Variants in ATG7 observed in about 807,000 individuals in gnomAD.
ATG7 encodes the protein autophagy related 7, also known as ubiquitin-like modifier-activating enzyme ATG7.
A neutral mutation model predicts 82.4 loss-of-function variants in ATG7; 70 were observed. The observed-to-expected ratio is 0.85, with a 90% CI of 0.70 to 1.04. ATG7 has a LOEUF of 1.04. Among genes scored for constraint, ATG7 ranks in the 50% least tolerant of loss-of-function variants. The probability of loss-of-function intolerance (pLI) is 0.00; values close to 1 mark genes in which losing one functional copy is unlikely to be tolerated. For synonymous variants in ATG7, 287 were observed against 313.0 expected (o/e 0.92, Z 0.88); for missense variants, 792 against 864.3 (o/e 0.92, Z 1.05).
chr3:11,481,209 T>TG (rs965585719), intron 20 of ATG7, among the ~76,000 whole-genome samples: 16 of 152,206 alleles, frequency 1.1e-4, no homozygotes, highest in African/African-American at 3.9e-4. Flanking sequence ...AGGTTTCAGC[T>TG]GGGGGCAGAT....
At chr3:11,439,288 C>T (rs1369888527) in intron 20 of ATG7, among the ~76,000 whole-genome samples, 2 of 151,806 alleles carry the variant, frequency 1.3e-5, no homozygotes, top group South Asian at 2.1e-4. Context: ...AGGCTGGTCT[C>T]GAACTCCTTA....
At chr3:11,396,016 C>T (rs778074082) in intron 19 of ATG7, among the ~76,000 whole-genome samples, 1 of 139,688 alleles carries the variant, frequency 7.2e-6, no homozygotes, top group Non-Finnish European at 1.5e-5. Flanking sequence ...TTTGTATAGA[C>T]AAGAACAGAG....
At position 11,400,539 on chromosome 3, in the gene ATG7, C is replaced by A. The variant is rs7621218; in HGVS notation, c.1956+20487C>A. On this transcript the variant is annotated intron_variant, in intron 19 of 20. Coordinates refer to ENST00000693202, the MANE Select transcript of ATG7 (RefSeq NM_001349232.2). ...CCATATTTTCTGATTTTTTTTCCTTCGAAGAGTAGATAGAAATGTGAATTT... is the reference window on the plus strand; with the variant it reads ...CCATATTTTCTGATTTTTTTTCCTTAGAAGAGTAGATAGAAATGTGAATTT... 1.3e-4 allele frequency among the ~76,000 whole-genome samples: 20 copies of A among 151,890 alleles called. No homozygotes were observed. In the South Asian group the frequency reaches 3.7e-3, roughly 28 times the overall value.
chr3:11,486,048 C>CTT (rs1374391195), intron 20 of ATG7, among the ~76,000 whole-genome samples: 3 of 152,120 alleles, frequency 2.0e-5, no homozygotes, highest in African/African-American at 7.2e-5. Context: ...TCCATATGAA[C>CTT]TTTTAAGTAG....
intron 14 of ATG7, among the ~76,000 whole-genome samples, chr3:11,357,852 T>C (rs1207031225): frequency 6.6e-6 from 1 of 151,314 alleles, no homozygotes; most frequent in Non-Finnish European, 1.5e-5. Flanking sequence ...CTACTAAAAA[T>C]TAAAAAATCA....
intron 20 of ATG7, among the ~76,000 whole-genome samples, chr3:11,542,723 TCCTCCCGGGCACCC>T (rs1231542461): frequency 1.3e-5 from 2 of 152,170 alleles, no homozygotes; most frequent in African/African-American, 4.8e-5. Context: ...CCCCTGGGCA[TCCTCCCGGGCACCC>T]CCTCCCGGGC....
At chr3:11,504,347 A>G (rs748131228) in intron 20 of ATG7, among the ~76,000 whole-genome samples, 1 of 152,250 alleles carries the variant, frequency 6.6e-6, no homozygotes, top group Non-Finnish European at 1.5e-5. Flanking sequence ...CAGATACACA[A>G]GATCAGATAA....
At chr3:11,458,206 C>G (rs2085937734) in intron 20 of ATG7, among the ~76,000 whole-genome samples, 1 of 151,948 alleles carries the variant, frequency 6.6e-6, no homozygotes, top group African/African-American at 2.4e-5. Context: ...TCTCAGTGGT[C>G]TAGAGGGGCA....
chr3:11,485,552 C>A lies in ATG7; in HGVS notation c.2079+58626C>A, dbSNP rs764209690. On this transcript the variant is annotated intron_variant, in intron 20 of 20. Transcript: ENST00000693202. ...CAGAAGCTCTTTAGTTTAATTAGAT[C>A]CCATTTGTCTATTTTGGCTTTTGTT... Among the ~76,000 whole-genome samples, 555 of 152,188 alleles carry A rather than the reference C, an allele frequency of 3.6e-3. 3 individuals are homozygous for A. The highest frequency in any genetic ancestry group is 3.2e-3 in the Non-Finnish European group (218 of 68,016).
At chr3:11,302,317 A>G (rs1019017422) in intron 5 of ATG7, among the ~76,000 whole-genome samples, 7 of 152,264 alleles carry the variant, frequency 4.6e-5, no homozygotes, top group Non-Finnish European at 1.0e-4. Context: ...CTGAGTCCCT[A>G]TTAGGATGGC....
chr3:11,561,392 G>A (rs1407252562), downstream of ATG7, among the ~76,000 whole-genome samples: 1 of 152,094 alleles, frequency 6.6e-6, no homozygotes, highest in African/African-American at 2.4e-5. Flanking sequence ...CCACCTTCAG[G>A]GCATCTCCTG....
chr3:11,437,710 G>T (rs760979967), intron 20 of ATG7, among the ~76,000 whole-genome samples: 1 of 152,064 alleles, frequency 6.6e-6, no homozygotes, highest in Non-Finnish European at 1.5e-5. Context: ...CTCTGTGTAC[G>T]TGCATGCACT....
At chr3:11,337,630 A>G (rs187012138) in intron 11 of ATG7, among the ~76,000 whole-genome samples, 1 of 152,100 alleles carries the variant, frequency 6.6e-6, no homozygotes, top group African/African-American at 2.4e-5. Context: ...TTTCTTAGAA[A>G]TGGCTATAGC....
intron 10 of ATG7, among the ~76,000 whole-genome samples, chr3:11,331,676 G>A (rs1228350641): frequency 6.6e-6 from 1 of 152,162 alleles, no homozygotes; most frequent in African/African-American, 2.4e-5. Context: ...TGGTAGAGTT[G>A]GTAGCCAGAG....
intron 6 of ATG7, among the ~76,000 whole-genome samples, chr3:11,307,788 A>T (rs1315896458): frequency 6.6e-6 from 1 of 152,148 alleles, no homozygotes; most frequent in Non-Finnish European, 1.5e-5. Context: ...GAGTCTTTAT[A>T]CCAGTCTTTA....
chr3:11,436,068 C>G (rs1339309356), intron 20 of ATG7, among the ~76,000 whole-genome samples: 1 of 152,010 alleles, frequency 6.6e-6, no homozygotes, highest in Non-Finnish European at 1.5e-5. Context: ...GAACCCATCT[C>G]TAAAAACAAC....
At chr3:11,387,979 A>G (rs1252736505) in intron 19 of ATG7, among the ~76,000 whole-genome samples, 1 of 152,154 alleles carries the variant, frequency 6.6e-6, no homozygotes, top group Non-Finnish European at 1.5e-5. Flanking sequence ...GCAAAGCCAC[A>G]CAGTTTTACA....
chr3:11,440,516 G>A (rs1443562448), intron 20 of ATG7, among the ~76,000 whole-genome samples: 1 of 148,464 alleles, frequency 6.7e-6, no homozygotes, highest in African/African-American at 2.5e-5. Flanking sequence ...AGTAGAGACG[G>A]GGTTTCACCG....
intron 20 of ATG7, among the ~76,000 whole-genome samples, chr3:11,501,766 T>C (rs1396541420): frequency 6.6e-6 from 1 of 152,198 alleles, no homozygotes; most frequent in Admixed American, 6.5e-5. Context: ...TGTGGCTCAC[T>C]GCAGCCTTCG....
Sources: allele counts gnomAD v4.1 joint callset (sites outside exome capture counted in the v4.1 genomes callset), GRCh38; gene constraint gnomAD v4.1.1; transcripts MANE v1.5; gene names NCBI Gene and HGNC (gene_info 2026-07-23, HGNC 2026-07-21).